The following ELOVL6 variants were observed in gnomAD, a reference collection of about 807,000 sequenced individuals.
ELOVL6 encodes ELOVL fatty acid elongase 6.
ELOVL6 carries 8 observed loss-of-function variants against 31.7 expected under a neutral mutation model. That is an observed-to-expected ratio of 0.25 (90% CI 0.15 to 0.45). ELOVL6 has a LOEUF of 0.45. Ranked by LOEUF, ELOVL6 falls within the 20% of genes least tolerant of loss-of-function variation. The probability of loss-of-function intolerance (pLI) is 1.00; values close to 1 mark genes in which losing one functional copy is unlikely to be tolerated. For synonymous variants in ELOVL6, 101 were observed against 117.7 expected (o/e 0.86, Z 0.92); for missense variants, 126 against 326.4 (o/e 0.39, Z 4.73).
In ELOVL6 at chr4:110,050,798, ATTTC is replaced by A. The variant is rs1264484341; in HGVS notation, c.*536_*539del. ...TCTCATGGGGTCTACAGCAGCTGGC[ATTTC>A]TTAAAAAGGCTTTAGTTTCTGCAAA... is the stretch of plus-strand genomic sequence containing the variant. On this transcript the variant is annotated 3_prime_UTR_variant, in exon 4 of 4. Coordinates refer to ENST00000302274, the MANE Select transcript of ELOVL6 (RefSeq NM_024090.3). 5.8e-5 allele frequency: 9 copies of A among 154,670 alleles called. No homozygotes were observed. Among genetic ancestry groups the A allele is most frequent in the Non-Finnish European group, 1.2e-4 (8 of 69,524 alleles). The allele number at this position is 154,670 out of a possible 1,614,324, so 9.6% of individuals were successfully genotyped here.
At position 110,047,136 on chromosome 4, in the gene ELOVL6, A is replaced by G. The variant is rs986315985; in HGVS notation, c.*4202T>C. 6.6e-6 allele frequency: 1 copy of G among 152,190 alleles called. No individual in the cohort carries two copies. Among genetic ancestry groups the G allele is most frequent in the African/African-American group, 2.4e-5 (1 of 41,442 alleles). 9.4% of individuals were successfully genotyped at this position (152,190 alleles called of 1,614,324 possible). A position where few individuals can be genotyped will look rare whatever the true frequency, so the allele number is the denominator to read the frequency against. On this transcript the variant is annotated 3_prime_UTR_variant, in exon 4 of 4. Transcript: ENST00000302274. ...CTACTGGGACATTCTGGGTGCTTATAAAATTTTGACATGATATTATTTTTC... is the reference window on the plus strand; with the variant it reads ...CTACTGGGACATTCTGGGTGCTTATGAAATTTTGACATGATATTATTTTTC...
At chr4:110,059,194 A>G (rs2126222013) in intron 3 of ELOVL6, among the ~76,000 whole-genome samples, 1 of 152,248 alleles carries the variant, frequency 6.6e-6, no homozygotes, top group South Asian at 2.1e-4. Context: ...CTTAATTCCT[A>G]ATCTGAATCC....
chr4:110,179,461 A>T (rs1190830427), intron 1 of ELOVL6, among the ~76,000 whole-genome samples: 2 of 152,186 alleles, frequency 1.3e-5, no homozygotes, highest in African/African-American at 4.8e-5. Flanking sequence ...AGCCGAAATT[A>T]CGCCACTGCA....
intron 2 of ELOVL6, among the ~76,000 whole-genome samples, chr4:110,085,312 C>T (rs1359225505): frequency 3.3e-5 from 5 of 152,146 alleles, no homozygotes; most frequent in Admixed American, 3.3e-4. Flanking sequence ...AAACAGGAAG[C>T]CAACTGAGAT....
chr4:110,097,887 A>G (rs1268833020), intron 2 of ELOVL6, among the ~76,000 whole-genome samples: 1 of 152,206 alleles, frequency 6.6e-6, no homozygotes, highest in Admixed American at 6.5e-5. Flanking sequence ...CATTAGAAGC[A>G]AGGCATTGGA....
rs868824312 is a variant in ELOVL6, at chr4:110,198,082, C to T, written c.89+165G>A. 6.9e-5 allele frequency: 40 copies of T among 577,774 alleles called. 1 individual carries two copies. Among genetic ancestry groups the T allele is most frequent in the Middle Eastern group, 9.8e-4 (2 of 2,046 alleles). 35.8% of individuals were successfully genotyped at this position (577,774 alleles called of 1,614,324 possible). A position where few individuals can be genotyped will look rare whatever the true frequency, so the allele number is the denominator to read the frequency against. ...GACCTCGCGCTTCATGTACCCCCCC[C>T]CCCCCAGCGTCTCCTGCACCCGGGA... On this transcript the variant is annotated intron_variant, in intron 1 of 3. Coordinates refer to ENST00000302274, the MANE Select transcript of ELOVL6 (RefSeq NM_024090.3).
chr4:110,123,766 T>C (rs1214238992), intron 1 of ELOVL6, among the ~76,000 whole-genome samples: 1 of 152,208 alleles, frequency 6.6e-6, no homozygotes, highest in Non-Finnish European at 1.5e-5. Context: ...GATTTTGTCT[T>C]TGGAAAATTC....
chr4:110,176,246 TCCAC>T (rs1237241926), intron 1 of ELOVL6, among the ~76,000 whole-genome samples: 1 of 152,088 alleles, frequency 6.6e-6, no homozygotes, highest in Non-Finnish European at 1.5e-5. Flanking sequence ...CACTGCAACC[TCCAC>T]CTCCCAGGTT....
At chr4:110,168,306 A>G (rs563712236) in intron 1 of ELOVL6, among the ~76,000 whole-genome samples, 4 of 152,060 alleles carry the variant, frequency 2.6e-5, no homozygotes, top group Non-Finnish European at 4.4e-5. Context: ...CTGGAAGCCC[A>G]GAGTTCGAGA....
chr4:110,174,172 T>C (rs562572337), intron 1 of ELOVL6, among the ~76,000 whole-genome samples: 1 of 151,220 alleles, frequency 6.6e-6, no homozygotes, highest in Non-Finnish European at 1.5e-5. Context: ...GTCTTTTTTT[T>C]TTTTTTTTTG....
At chr4:110,130,722 G>A (rs921778361) in intron 1 of ELOVL6, among the ~76,000 whole-genome samples, 2 of 152,136 alleles carry the variant, frequency 1.3e-5, no homozygotes, top group South Asian at 2.1e-4. Context: ...AAAACATATC[G>A]TGTGGGCTGA....
In ELOVL6 at chr4:110,198,560, C is replaced by T. The variant is rs1310031064; in HGVS notation, c.-225G>A. 9 of 485,282 alleles carry T rather than the reference C, an allele frequency of 1.9e-5. No homozygotes were observed. Among genetic ancestry groups the T allele is most frequent in the Non-Finnish European group, 3.3e-5 (9 of 275,502 alleles). 30.1% of individuals were successfully genotyped at this position (485,282 alleles called of 1,614,324 possible). A position where few individuals can be genotyped will look rare whatever the true frequency, so the allele number is the denominator to read the frequency against. On this transcript the variant is annotated 5_prime_UTR_variant, in exon 1 of 4. Coordinates refer to ENST00000302274, the MANE Select transcript of ELOVL6 (RefSeq NM_024090.3). Reference sequence around the variant, plus strand: ...CCCAGCTCCTCTCTCTGGGGCTCTCCTCCTCCCGGCGTCCGCATCCACCGT... The same window carrying T: ...CCCAGCTCCTCTCTCTGGGGCTCTCTTCCTCCCGGCGTCCGCATCCACCGT...
At chr4:110,068,835 G>A (rs1267602822) in intron 2 of ELOVL6, among the ~76,000 whole-genome samples, 1 of 152,152 alleles carries the variant, frequency 6.6e-6, no homozygotes, top group Non-Finnish European at 1.5e-5. Flanking sequence ...GAGGCGTGAG[G>A]AGGGGTGGAG....
chr4:110,073,286 CA>C (rs1264114397), intron 2 of ELOVL6, among the ~76,000 whole-genome samples: 1 of 152,124 alleles, frequency 6.6e-6, no homozygotes, highest in Non-Finnish European at 1.5e-5. Context: ...GTCCCAGGAG[CA>C]GAGCTCACTC....
chr4:110,061,719 G>T (rs1002530945), intron 2 of ELOVL6, among the ~76,000 whole-genome samples: 6 of 151,828 alleles, frequency 4.0e-5, no homozygotes, highest in African/African-American at 1.2e-4. Context: ...ACCATGCCAG[G>T]CTAATTTTTT....
intron 3 of ELOVL6, among the ~76,000 whole-genome samples, chr4:110,052,053 A>G (rs913943615): frequency 1.3e-5 from 2 of 152,360 alleles, no homozygotes; most frequent in South Asian, 4.1e-4. Context: ...GGAGGCAAGC[A>G]GCAAATGTTT....
chr4:110,136,809 C>T (rs548621647), intron 1 of ELOVL6, among the ~76,000 whole-genome samples: 2 of 152,156 alleles, frequency 1.3e-5, no homozygotes, highest in Non-Finnish European at 2.9e-5. Flanking sequence ...ATACTATGTC[C>T]ACCCATATCC....
intron 2 of ELOVL6, among the ~76,000 whole-genome samples, chr4:110,066,481 A>C (rs1015052734): frequency 1.3e-5 from 2 of 150,466 alleles, no homozygotes; most frequent in African/African-American, 4.9e-5. Context: ...CTAAAAATAC[A>C]AAAAAAAATT....
chr4:110,132,772 G>A (rs181618544), intron 1 of ELOVL6, among the ~76,000 whole-genome samples: 53 of 152,124 alleles, frequency 3.5e-4, no homozygotes, highest in African/African-American at 1.2e-3. Flanking sequence ...CCCAGGATGT[G>A]GAGGTTGCAG....
Sources: gnomAD v4.1 joint callset for allele counts (sites outside exome capture counted in the v4.1 genomes callset) on GRCh38, gnomAD v4.1.1 for gene constraint, MANE v1.5 for transcripts, NCBI Gene and HGNC (gene_info 2026-07-23, HGNC 2026-07-21) for gene names.